Variants in CDH12 observed in about 807,000 individuals in gnomAD.
The protein encoded by CDH12 is cadherin-12.
A neutral mutation model predicts 74.1 loss-of-function variants in CDH12; 41 were observed. That is an observed-to-expected ratio of 0.55 (90% confidence interval 0.43 to 0.72). The LOEUF (loss-of-function observed/expected upper bound fraction) is 0.72. Ranked by LOEUF, CDH12 falls within the 30% of genes least tolerant of loss-of-function variation. CDH12 has a pLI of 0.00. For missense variants in CDH12, 945 were observed against 977.2 expected, an observed-to-expected ratio of 0.97 and a Z score of 0.44; for synonymous variants, 399 against 355.0, an observed-to-expected ratio of 1.12 and a Z score of -1.39.
Position 21,833,036 on chromosome 5 carries a change from A to C in CDH12, c.814+9125T>G, listed in dbSNP as rs1471971349. ...ATATATGATATAATATATAATATAT[A>C]ATATATAATATATATTATATGTTAT... On this transcript the variant is annotated intron_variant, in intron 8 of 14. Coordinates refer to ENST00000382254, the MANE Select transcript of CDH12 (RefSeq NM_004061.5). Among the ~76,000 whole-genome samples the C allele has an allele frequency of 1.9e-4, 13 of 69,734 alleles. 1 individual carries two copies. Among genetic ancestry groups the C allele is most frequent in the South Asian group, 1.3e-3 (3 of 2,308 alleles). The allele number at this position is 69,734 out of a possible 152,430, so 45.7% of individuals were successfully genotyped here. A position where few individuals can be genotyped will look rare whatever the true frequency, so the allele number is the denominator to read the frequency against.
chr5:22,607,028 C>T (rs1182549969), intron 1 of CDH12, among the ~76,000 whole-genome samples: 3 of 152,114 alleles, frequency 2.0e-5, no homozygotes, highest in Non-Finnish European at 2.9e-5. Context: ...TTTGCCCCTA[C>T]CCTAAAGATC....
intron 10 of CDH12, among the ~76,000 whole-genome samples, chr5:21,789,805 C>T (rs960589346): frequency 1.7e-4 from 26 of 152,034 alleles, no homozygotes; most frequent in African/African-American, 5.3e-4. Context: ...GTGTATGTGA[C>T]GTGATTATCC....
chr5:22,080,312 A>G (rs1742635401), intron 4 of CDH12, among the ~76,000 whole-genome samples: 1 of 152,210 alleles, frequency 6.6e-6, no homozygotes, highest in Non-Finnish European at 1.5e-5. Context: ...AAATTTAAAC[A>G]TTAAATGTGG....
chr5:22,117,449 A>G (rs541957416), intron 4 of CDH12, among the ~76,000 whole-genome samples: 1 of 89,266 alleles, frequency 1.1e-5, no homozygotes, highest in African/African-American at 5.1e-5. Flanking sequence ...TATATATATA[A>G]TATATATATT....
chr5:22,435,680 G>A (rs147668770), intron 2 of CDH12, among the ~76,000 whole-genome samples: 1 of 151,858 alleles, frequency 6.6e-6, no homozygotes, highest in East Asian at 1.9e-4. Context: ...CACGAGATTC[G>A]AAATTACGGT....
At chr5:22,610,524 T>A (rs1217024085) in intron 1 of CDH12, among the ~76,000 whole-genome samples, 1 of 152,068 alleles carries the variant, frequency 6.6e-6, no homozygotes, top group Non-Finnish European at 1.5e-5. Flanking sequence ...CTCAGTTGGT[T>A]TTCTCTTATA....
At chr5:22,490,326 CCTT>C (rs1746806884) in intron 2 of CDH12, among the ~76,000 whole-genome samples, 1 of 152,106 alleles carries the variant, frequency 6.6e-6, no homozygotes, top group African/African-American at 2.4e-5. Context: ...TGCTTTCACT[CCTT>C]CTATACTGAT....
intron 6 of CDH12, among the ~76,000 whole-genome samples, chr5:21,898,265 A>C (rs906426867): frequency 6.6e-5 from 10 of 152,180 alleles, no homozygotes; most frequent in African/African-American, 2.4e-4. Flanking sequence ...CTGTGAGACC[A>C]GGATGGAGTG....
intron 10 of CDH12, among the ~76,000 whole-genome samples, chr5:21,783,885 A>G (rs74815372): frequency 0.03 from 4,552 of 152,230 alleles, 168 homozygotes; most frequent in East Asian, 0.15. Flanking sequence ...ACTACAAAGA[A>G]CCCAGGTCAA....
chr5:22,675,638 GC>G (rs1741126361), intron 1 of CDH12, among the ~76,000 whole-genome samples: 1 of 151,766 alleles, frequency 6.6e-6, no homozygotes, highest in Non-Finnish European at 1.5e-5. Flanking sequence ...TTTAGGAGGG[GC>G]CAGGGGAGTT....
chr5:22,009,318 C>T (rs533406539), intron 5 of CDH12, among the ~76,000 whole-genome samples: 1 of 152,280 alleles, frequency 6.6e-6, no homozygotes, highest in Non-Finnish European at 1.5e-5. Context: ...CTCTGGCCAA[C>T]ATTAATGTTT....
intron 3 of CDH12, among the ~76,000 whole-genome samples, chr5:22,311,649 G>T (rs115039372): frequency 0.12 from 17,669 of 148,174 alleles, 1,083 homozygotes; most frequent in South Asian, 0.17. Flanking sequence ...GTTTTAGTGA[G>T]CTGAGATCAC....
At chr5:21,883,505 T>C in intron 6 of CDH12, 2 of 1,613,022 alleles carry the variant, frequency 1.2e-6, no homozygotes, top group Non-Finnish European at 1.7e-6. Context: ...CTCCAGGGTT[T>C]GGTGACAATA....
At chr5:21,873,913 T>C (rs1372726182) in intron 6 of CDH12, among the ~76,000 whole-genome samples, 1 of 152,210 alleles carries the variant, frequency 6.6e-6, no homozygotes, top group African/African-American at 2.4e-5. Flanking sequence ...GCTTCACCCA[T>C]GTCCCTGCAA....
intron 3 of CDH12, among the ~76,000 whole-genome samples, chr5:22,281,736 C>G (rs1381203426): frequency 2.0e-5 from 3 of 151,910 alleles, no homozygotes; most frequent in East Asian, 1.9e-4. Context: ...ACACAAACAA[C>G]TAGAATAACA....
chr5:22,029,646 C>CACTTTT (rs1402015077), intron 5 of CDH12, among the ~76,000 whole-genome samples: 1 of 152,174 alleles, frequency 6.6e-6, no homozygotes, highest in Non-Finnish European at 1.5e-5. Flanking sequence ...GAAATTGGAA[C>CACTTTT]ACTTTTACAC....
intron 4 of CDH12, among the ~76,000 whole-genome samples, chr5:22,210,798 G>T (rs1751485845): frequency 6.6e-6 from 1 of 151,240 alleles, no homozygotes; most frequent in African/African-American, 2.4e-5. Flanking sequence ...GTCCCTGTTT[G>T]GTTAATGTTG....
At chr5:22,850,624 T>G (rs1017574548) in intron 1 of CDH12, among the ~76,000 whole-genome samples, 1 of 152,120 alleles carries the variant, frequency 6.6e-6, no homozygotes, top group Non-Finnish European at 1.5e-5. Context: ...AATGATCACA[T>G]GATAATTTCT....
chr5:22,698,714 T>G (rs1561585881), intron 1 of CDH12, among the ~76,000 whole-genome samples: 704 of 14,856 alleles, frequency 0.047, 69 homozygotes, highest in African/African-American at 0.17. Flanking sequence ...TATATATATA[T>G]ATATATATAT....
Sources: gnomAD v4.1 joint callset for allele counts (sites outside exome capture counted in the v4.1 genomes callset) on GRCh38, gnomAD v4.1.1 for gene constraint, MANE v1.5 for transcripts, NCBI Gene and HGNC (gene_info 2026-07-23, HGNC 2026-07-21) for gene names.